The following UGT2B7 variants were observed in gnomAD, a reference collection of about 807,000 sequenced individuals.
UGT2B7 encodes the protein UDP-glucuronosyltransferase 2B7.
UGT2B7 carries 51 observed loss-of-function variants against 51.9 expected under a neutral mutation model. The ratio of observed to expected loss-of-function variants is 0.98; its 90% CI spans 0.78 to 1.24. The LOEUF is 1.24. Among genes scored for constraint, UGT2B7 ranks in the 50% most tolerant of loss-of-function variants. UGT2B7 has a pLI of 0.00. For missense variants in UGT2B7, 727 were observed against 628.4 expected (o/e 1.16, Z -1.68); for synonymous variants, 225 against 211.6 (o/e 1.06, Z -0.55).
At chr4:69,068,570 G>A (rs971368638) in intron 1 of UGT2B7, among the ~76,000 whole-genome samples, 3 of 151,874 alleles carry the variant, frequency 2.0e-5, no homozygotes, top group Non-Finnish European at 4.4e-5. Flanking sequence ...TGCTGGTATT[G>A]AAAAATGAAG....
At chr4:69,079,387 C>A (rs4694611) in intron 1 of UGT2B7, among the ~76,000 whole-genome samples, 65,284 of 152,070 alleles carry the variant, frequency 0.43, 15,565 homozygotes, top group African/African-American at 0.64. Context: ...AGTCATATTC[C>A]AGGAGTTAAA....
upstream of UGT2B7, among the ~76,000 whole-genome samples, chr4:69,096,245 G>C (rs1026630867): frequency 6.6e-6 from 1 of 152,042 alleles, no homozygotes. Flanking sequence ...TATTGCATAA[G>C]ACAGATGGCA....
intron 1 of UGT2B7, among the ~76,000 whole-genome samples, chr4:69,067,892 G>C (rs1718516012): frequency 6.6e-6 from 1 of 152,010 alleles, no homozygotes. Flanking sequence ...GTAACAGAAG[G>C]ATTATAAGAA....
At chr4:69,077,196 G>T (rs1159003164) in intron 1 of UGT2B7, among the ~76,000 whole-genome samples, 1 of 152,094 alleles carries the variant, frequency 6.6e-6, no homozygotes, top group African/African-American at 2.4e-5. Context: ...TTGTAGTATG[G>T]TTTGAAGTCA....
chr4:69,061,656 A>T (rs771941965), intron 1 of UGT2B7, among the ~76,000 whole-genome samples: 1 of 152,210 alleles, frequency 6.6e-6, no homozygotes. Context: ...AGGAACTCAC[A>T]TGAGAAAAAC....
intron 1 of UGT2B7, among the ~76,000 whole-genome samples, chr4:69,061,425 A>G (rs577543259): frequency 4.6e-5 from 7 of 152,344 alleles, no homozygotes; most frequent in African/African-American, 1.7e-4. Flanking sequence ...AGGCAAAGCA[A>G]GCTGCAATGG....
In UGT2B7 at chr4:69,063,324, A is replaced by AAAAAAAAAG. The variant is rs1469171526; in HGVS notation, c.-159+11730_-159+11731insGAAAAAAAA. ...ACAGAGCGAGACTCCGTCTCAAAAA[A>AAAAAAAAAG]AAAAAAAAAAAAAAAGAAACACAGT... On this transcript the variant is annotated intron_variant, in intron 1 of 5. Transcript: ENST00000502942. 8.6e-3 allele frequency among the ~76,000 whole-genome samples: 1,233 copies of AAAAAAAAAG among 143,016 alleles called. 15 individuals carry two copies. Among genetic ancestry groups the AAAAAAAAAG allele is most frequent in the African/African-American group, 0.022 (827 of 37,142 alleles). 93.8% of individuals were successfully genotyped at this position (143,016 alleles called of 152,430 possible). A position where few individuals can be genotyped will look rare whatever the true frequency, so the allele number is the denominator to read the frequency against.
intron 2 of UGT2B7, among the ~76,000 whole-genome samples, chr4:69,099,613 C>T (rs1719362606): frequency 6.6e-6 from 1 of 151,944 alleles, no homozygotes. Context: ...ATTATGCCCA[C>T]ATTTACAAAA....
At chr4:69,062,638 C>G (rs1232196054) in intron 1 of UGT2B7, among the ~76,000 whole-genome samples, 1 of 152,068 alleles carries the variant, frequency 6.6e-6, no homozygotes, top group Non-Finnish European at 1.5e-5. Flanking sequence ...ACCATCTGAC[C>G]CGAATGATCC....
At chr4:69,060,816 G>A (rs1468086300) in intron 1 of UGT2B7, among the ~76,000 whole-genome samples, 3 of 152,132 alleles carry the variant, frequency 2.0e-5, no homozygotes, top group Non-Finnish European at 2.9e-5. Context: ...TTTCGAATCC[G>A]AGAATAACTC....
intron 1 of UGT2B7, among the ~76,000 whole-genome samples, chr4:69,052,148 G>C (rs1358669729): frequency 1.3e-5 from 2 of 152,048 alleles, no homozygotes; most frequent in Non-Finnish European, 2.9e-5. Flanking sequence ...AGGTAGGTTG[G>C]ACATCAGAAG....
At chr4:69,059,231 A>G (rs1577906175) in intron 1 of UGT2B7, among the ~76,000 whole-genome samples, 1 of 152,350 alleles carries the variant, frequency 6.6e-6, no homozygotes, top group Middle Eastern at 3.4e-3. Flanking sequence ...GACCCAACCT[A>G]TAGGGCCACT....
At chr4:69,112,352 C>G in intron 5 of UGT2B7, 105 bp from the exon 6 acceptor site, 1 of 1,443,778 alleles carries the variant, frequency 6.9e-7, no homozygotes, top group Non-Finnish European at 9.2e-7. Context: ...GGAGTCTTGC[C>G]GATGCTCCCA....
At chr4:69,061,760 A>G (rs564353452) in intron 1 of UGT2B7, among the ~76,000 whole-genome samples, 37 of 152,272 alleles carry the variant, frequency 2.4e-4, no homozygotes, top group African/African-American at 7.7e-4. Context: ...CTTGTGCCCA[A>G]AACAACCCCT....
intron 1 of UGT2B7, among the ~76,000 whole-genome samples, chr4:69,064,100 A>AAGAGAGAGAGAGAG (rs1718431277): frequency 1.2e-4 from 13 of 104,786 alleles, no homozygotes; most frequent in South Asian, 3.1e-4. Context: ...AAGAAAGAGA[A>AAGAGAGAGAGAGAG]AGAAAGAAAG....
At chr4:69,106,301 T>A (rs1279279999) in intron 3 of UGT2B7, among the ~76,000 whole-genome samples, 6 of 152,102 alleles carry the variant, frequency 3.9e-5, no homozygotes, top group African/African-American at 1.4e-4. Flanking sequence ...TGTCTATTTG[T>A]CCACATGTTC....
At chr4:69,107,109 C>T (rs1719623144) in intron 3 of UGT2B7, 66 bp from the exon 4 acceptor site, 7 of 1,505,962 alleles carry the variant, frequency 4.6e-6, no homozygotes, top group Non-Finnish European at 5.5e-6. Flanking sequence ...ACTCTTTATA[C>T]AGTTCTCACA....
Position 69,112,391 on chromosome 4 carries a change from C to T in UGT2B7, c.1311-66C>T, listed in dbSNP as rs564682366. ...GAATAAAACCCTTCCTTCTTTAACT[C>T]GGTGTCTGAGGGGTTTTGTCTGTAA... On this transcript the variant is annotated intron_variant, in intron 5 of 5. Transcript: ENST00000305231. The T allele has an allele frequency of 8.7e-5, 134 of 1,547,884 alleles. No homozygotes were observed. The African/African-American group carries it at 1.6e-3, about 18-fold the overall frequency.
intron 2 of UGT2B7, among the ~76,000 whole-genome samples, chr4:69,102,356 A>G (rs1365639524): frequency 6.6e-6 from 1 of 152,180 alleles, no homozygotes; most frequent in Non-Finnish European, 1.5e-5. Context: ...ACTGTTTCCA[A>G]CTAAGAGAAT....
Sources: gnomAD v4.1 joint callset for allele counts (sites outside exome capture counted in the v4.1 genomes callset) on GRCh38, gnomAD v4.1.1 for gene constraint, MANE v1.5 for transcripts, NCBI Gene and HGNC (gene_info 2026-07-23, HGNC 2026-07-21) for gene names.